RGS7: variants seen among roughly 807,000 people sequenced by gnomAD.
The protein encoded by RGS7 is regulator of G-protein signaling 7.
RGS7 carries 27 observed loss-of-function variants against 81.1 expected under a neutral mutation model. The ratio of observed to expected loss-of-function variants is 0.33; its 90% CI spans 0.25 to 0.46. The LOEUF is 0.46. RGS7 is among the 20% of genes least tolerant of loss of function. The probability of loss-of-function intolerance (pLI) is 1.00; values close to 1 mark genes in which losing one functional copy is unlikely to be tolerated. For synonymous variants in RGS7, 208 were observed against 207.7 expected, an observed-to-expected ratio of 1.00 and a Z score of -0.01; for missense variants, 396 against 607.4, an observed-to-expected ratio of 0.65 and a Z score of 3.66.
chr1:241,250,739 G>C (rs532840957), intron 2 of RGS7, among the ~76,000 whole-genome samples: 1 of 152,174 alleles, frequency 6.6e-6, no homozygotes, highest in Non-Finnish European at 1.5e-5. Flanking sequence ...CCTGTCATTT[G>C]TCAAGTAACA....
At chr1:241,045,827 T>C (rs1430530924) in intron 3 of RGS7, among the ~76,000 whole-genome samples, 2 of 152,178 alleles carry the variant, frequency 1.3e-5, no homozygotes, top group East Asian at 1.9e-4. Context: ...GTTTCTATTC[T>C]CTTTAAAGTA....
intron 2 of RGS7, among the ~76,000 whole-genome samples, chr1:241,213,083 A>G (rs542161647): frequency 1.3e-5 from 2 of 152,272 alleles, no homozygotes; most frequent in East Asian, 3.9e-4. Context: ...TGGGCTCTGC[A>G]TTGATGGTGC....
At chr1:241,275,524 A>C (rs555681119) in intron 2 of RGS7, among the ~76,000 whole-genome samples, 2 of 152,306 alleles carry the variant, frequency 1.3e-5, no homozygotes, top group South Asian at 4.1e-4. Context: ...CTATGGTAGG[A>C]AACGTTGGTG....
Position 240,930,745 on chromosome 1 carries a change from A to C in RGS7, c.357T>G (p.Asn119Lys). The C allele has an allele frequency of 6.2e-7, 1 of 1,613,920 alleles. No individual in the cohort carries two copies. The highest frequency in any genetic ancestry group is 8.5e-7 in the Non-Finnish European group (1 of 1,179,858). ...RFQTPYFWPS[N>K]CWEPENTDYA... The stretch of plus-strand genomic sequence containing the variant: ...AATCTGTGTTTTCCGGCTCCCAACA[A>C]TTTGATGGCCAAAAATAGGGGGTCT... Residue 119 changes from asparagine to lysine, a missense_variant, in exon 6 of 19, where the codon AAT (asparagine) becomes AAG (lysine). Asn to Lys is a moderately conservative substitution (Grantham distance 94). Coordinates refer to ENST00000440928, the MANE Select transcript of RGS7 (RefSeq NM_001364886.1).
At chr1:241,346,096 T>C (rs1047487722) in intron 2 of RGS7, among the ~76,000 whole-genome samples, 1 of 152,060 alleles carries the variant, frequency 6.6e-6, no homozygotes, top group Admixed American at 6.5e-5. Context: ...ATACTTAAAA[T>C]AGGTGTTTCT....
chr1:240,925,272 C>T (rs1674249854), intron 6 of RGS7, among the ~76,000 whole-genome samples: 1 of 151,994 alleles, frequency 6.6e-6, no homozygotes, highest in Admixed American at 6.6e-5. Context: ...CCCTTGCACC[C>T]CTCCATCATT....
At chr1:241,236,129 C>G in intron 2 of RGS7, among the ~76,000 whole-genome samples, 1 of 151,816 alleles carries the variant, frequency 6.6e-6, no homozygotes, top group Admixed American at 6.6e-5. Flanking sequence ...TTACCAAGTG[C>G]CTGAGTCTTC....
At chr1:240,879,733 C>A (rs778768798) in intron 6 of RGS7, among the ~76,000 whole-genome samples, 1 of 152,200 alleles carries the variant, frequency 6.6e-6, no homozygotes, top group Non-Finnish European at 1.5e-5. Flanking sequence ...CTTATTATTG[C>A]TTCCCTCCAT....
intron 4 of RGS7, among the ~76,000 whole-genome samples, chr1:240,972,701 A>C (rs140616084): frequency 0.054 from 2,391 of 44,166 alleles, 65 homozygotes; most frequent in East Asian, 0.48. Flanking sequence ...TATAATAAAA[A>C]AAAAAAAAAC....
chr1:240,977,889 AGCCATG>A (rs2148538284), intron 4 of RGS7, among the ~76,000 whole-genome samples: 1 of 152,350 alleles, frequency 6.6e-6, no homozygotes, highest in South Asian at 2.1e-4. Flanking sequence ...AGAAGAAATC[AGCCATG>A]GCCATGTCTT....
At chr1:241,005,625 C>A (rs967247665) in intron 3 of RGS7, among the ~76,000 whole-genome samples, 4 of 150,580 alleles carry the variant, frequency 2.7e-5, no homozygotes, top group Non-Finnish European at 1.5e-5. Context: ...AACTCTGCCT[C>A]CCAGGTTCAA....
At chr1:240,890,867 C>G (rs1010552110) in intron 6 of RGS7, among the ~76,000 whole-genome samples, 6 of 152,164 alleles carry the variant, frequency 3.9e-5, no homozygotes, top group Non-Finnish European at 2.9e-5. Flanking sequence ...AATCTCTGAT[C>G]AAGGACAAAT....
chr1:240,797,512 C>T lies in RGS7; in HGVS notation c.*6+3129G>A, dbSNP rs545634265. On this transcript the variant is annotated intron_variant, in intron 18 of 18. Transcript: ENST00000440928. ...GATTACAGGTGTGCACCACCACGCC[C>T]GGCTAATTTTTGTATTTTTAGTAGA... 4.6e-5 allele frequency among the ~76,000 whole-genome samples: 7 copies of T among 152,004 alleles called. 1 individual carries two copies. Among genetic ancestry groups the T allele is most frequent in the Admixed American group, 6.6e-5 (1 of 15,236 alleles).
At chr1:240,821,331 A>C (rs1468288529) in intron 10 of RGS7, among the ~76,000 whole-genome samples, 1 of 152,188 alleles carries the variant, frequency 6.6e-6, no homozygotes, top group East Asian at 1.9e-4. Context: ...ACATGCCTGT[A>C]GTCCCAGCTA....
intron 6 of RGS7, among the ~76,000 whole-genome samples, chr1:240,909,236 T>C (rs1315673371): frequency 1.3e-5 from 2 of 152,242 alleles, no homozygotes; most frequent in Non-Finnish European, 2.9e-5. Flanking sequence ...TATAAGTTGT[T>C]TGGTGAATCC....
At chr1:240,849,225 C>T (rs1400635240) in intron 9 of RGS7, among the ~76,000 whole-genome samples, 2 of 152,052 alleles carry the variant, frequency 1.3e-5, no homozygotes, top group African/African-American at 4.8e-5. Context: ...AACAAGTTAC[C>T]CCCTTCGTTT....
chr1:240,915,526 C>T (rs891905961), intron 6 of RGS7, among the ~76,000 whole-genome samples: 1 of 152,092 alleles, frequency 6.6e-6, no homozygotes, highest in South Asian at 2.1e-4. Flanking sequence ...AAGACAACAG[C>T]GGGGAATAAA....
intron 18 of RGS7, among the ~76,000 whole-genome samples, chr1:240,793,611 A>ATATATATATTTTTTTTTTTTTT: frequency 2.5e-5 from 2 of 78,814 alleles, no homozygotes; most frequent in African/African-American, 1.9e-4. Context: ...ATATATATAT[A>ATATATATATTTTTTTTTTTTTT]TTTTTTTTTT....
Position 241,331,489 on chromosome 1 carries a change from A to G in RGS7, c.78+24210T>C, listed in dbSNP as rs543961590. Among the ~76,000 whole-genome samples, 352 of 152,304 alleles carry G rather than the reference A, an allele frequency of 2.3e-3. 6 individuals are homozygous for G. Among genetic ancestry groups the G allele is most frequent in the Non-Finnish European group, 7.6e-4 (52 of 68,022 alleles). On this transcript the variant is annotated intron_variant, in intron 2 of 18. Transcript: ENST00000440928. ...AAGTGCTTAGCATAGTGACTCACAT[A>G]TGATAAAGGTACAATATAGTTTCAC...
Sources: gnomAD v4.1 joint callset for allele counts (sites outside exome capture counted in the v4.1 genomes callset) on GRCh38, gnomAD v4.1.1 for gene constraint, MANE v1.5 for transcripts, NCBI Gene and HGNC (gene_info 2026-07-23, HGNC 2026-07-21) for gene names.